The following PLCH1 variants were observed in gnomAD, a reference collection of about 807,000 sequenced individuals.
The protein encoded by PLCH1 is phospholipase C eta 1.
PLCH1 carries 60 observed loss-of-function variants against 126.7 expected under a neutral mutation model. The observed-to-expected ratio is 0.47, with a 90% confidence interval of 0.38 to 0.59. The LOEUF (loss-of-function observed/expected upper bound fraction) is 0.59. Ranked by LOEUF, PLCH1 falls within the 20% of genes least tolerant of loss-of-function variation. PLCH1 has a pLI of 0.00. For missense variants in PLCH1, 1,723 were observed against 2,040.0 expected (o/e 0.84, Z 2.99); for synonymous variants, 719 against 734.9 (o/e 0.98, Z 0.35).
At chr3:155,607,015 G>T (rs931981236) in intron 2 of PLCH1, among the ~76,000 whole-genome samples, 20 of 152,200 alleles carry the variant, frequency 1.3e-4, no homozygotes, top group Admixed American at 2.6e-4. Flanking sequence ...ATCTCCATGT[G>T]TAACAGTGTC....
At chr3:155,742,803 C>G (rs1383343948) in intron 1 of PLCH1, 2 of 153,244 alleles carry the variant, frequency 1.3e-5, no homozygotes, top group Non-Finnish European at 2.9e-5. Flanking sequence ...CAGCATGTTA[C>G]TCGCTAATCA....
chr3:155,712,588 T>G (rs1212475781), intron 1 of PLCH1, among the ~76,000 whole-genome samples: 3 of 152,050 alleles, frequency 2.0e-5, no homozygotes, highest in African/African-American at 7.2e-5. Flanking sequence ...AAGATAACTT[T>G]AATTAGCCAG....
intron 14 of PLCH1, among the ~76,000 whole-genome samples, chr3:155,499,020 G>A (rs554294912): frequency 2.1e-4 from 32 of 152,176 alleles, no homozygotes; most frequent in Non-Finnish European, 4.4e-4. Context: ...TAACTAATTA[G>A]GAAGGGCAGA....
At chr3:155,676,087 C>A in intron 2 of PLCH1, 1 of 1,466,072 alleles carries the variant, frequency 6.8e-7, no homozygotes, top group South Asian at 1.5e-5. Flanking sequence ...TACAATTTCT[C>A]TCTAAAGGCA....
intron 1 of PLCH1, among the ~76,000 whole-genome samples, chr3:155,726,584 G>A (rs1160060842): frequency 6.6e-6 from 1 of 151,988 alleles, no homozygotes; most frequent in Non-Finnish European, 1.5e-5. Context: ...GTCAAGTGAT[G>A]CTTTTTATTG....
intron 2 of PLCH1, among the ~76,000 whole-genome samples, chr3:155,601,800 T>C (rs1251025531): frequency 6.6e-6 from 1 of 152,254 alleles, no homozygotes; most frequent in East Asian, 1.9e-4. Flanking sequence ...TGTGTGACAG[T>C]CTAATCACAC....
intron 1 of PLCH1, among the ~76,000 whole-genome samples, chr3:155,724,808 G>A (rs1172910301): frequency 1.6e-5 from 2 of 122,698 alleles, no homozygotes; most frequent in Admixed American, 8.4e-5. Flanking sequence ...ATACCTTGGG[G>A]GGTTTTGTGT....
At chr3:155,700,798 G>T (rs1746212736) in intron 2 of PLCH1, among the ~76,000 whole-genome samples, 1 of 152,230 alleles carries the variant, frequency 6.6e-6, no homozygotes, top group African/African-American at 2.4e-5. Flanking sequence ...AGGAGAAACA[G>T]CTGAAGGTAT....
chr3:155,539,636 A>T (rs1228872036), intron 10 of PLCH1, among the ~76,000 whole-genome samples: 1 of 152,080 alleles, frequency 6.6e-6, no homozygotes, highest in Admixed American at 6.6e-5. Context: ...CCCTTTTACA[A>T]TAGCTGCAAA....
chr3:155,604,575 GT>G (rs1734134198), intron 2 of PLCH1, among the ~76,000 whole-genome samples: 1 of 152,182 alleles, frequency 6.6e-6, no homozygotes, highest in African/African-American at 2.4e-5. Context: ...TCAGTAGTTT[GT>G]TAAATGTCAG....
chr3:155,537,872 T>G (rs1458957045), intron 10 of PLCH1, among the ~76,000 whole-genome samples: 2 of 152,126 alleles, frequency 1.3e-5, no homozygotes, highest in African/African-American at 4.8e-5. Context: ...AACAATGGAC[T>G]TAAACTATAC....
At chr3:155,574,223 C>T (rs2108554649) in intron 6 of PLCH1, among the ~76,000 whole-genome samples, 1 of 152,154 alleles carries the variant, frequency 6.6e-6, no homozygotes, top group Admixed American at 6.6e-5. Context: ...CCCCCCTTAC[C>T]TCTTACATAC....
At chr3:155,589,209 C>T (rs1040746202) in intron 4 of PLCH1, among the ~76,000 whole-genome samples, 1 of 151,952 alleles carries the variant, frequency 6.6e-6, no homozygotes, top group Non-Finnish European at 1.5e-5. Flanking sequence ...CTGTAAAGGG[C>T]CTGATAGTGA....
intron 2 of PLCH1, among the ~76,000 whole-genome samples, chr3:155,652,077 A>G (rs1012041754): frequency 1.3e-5 from 2 of 152,354 alleles, no homozygotes; most frequent in Middle Eastern, 3.4e-3. Flanking sequence ...GAAATGAGCA[A>G]GAGGACACAG....
In PLCH1 at chr3:155,564,960, C is replaced by A; in HGVS notation, c.1024G>T (p.Asp342Tyr). Reference protein sequence around the residue: ...GDQLLSQSKVDMYARVLQEGC... With the variant: ...GDQLLSQSKVYMYARVLQEGC... ...TCTTGCAGCACCCGTGCATACATAT[C>A]CACTTTGGACTGAGAAAGGAGCTGG... The change falls in exon 8 of 23, where the codon GAT becomes TAT. Residue 342 changes from aspartate to tyrosine, a missense_variant. Around this residue, in one of 2 missense-constraint regions of PLCH1, gnomAD observed 776 missense variants for 1,062.9 expected, o/e 0.73. Transcript: ENST00000460012. 1.2e-6 allele frequency: 2 copies of A among 1,613,984 alleles called. No homozygotes were observed. The highest frequency in any genetic ancestry group is 2.2e-5 in the East Asian group (1 of 44,872).
At chr3:155,635,345 C>T (rs1192168022) in intron 2 of PLCH1, among the ~76,000 whole-genome samples, 1 of 152,128 alleles carries the variant, frequency 6.6e-6, no homozygotes, top group Non-Finnish European at 1.5e-5. Context: ...TTTCAGTAAA[C>T]TTTCAAGGCT....
intron 9 of PLCH1, among the ~76,000 whole-genome samples, chr3:155,553,030 A>T (rs748514230): frequency 2.6e-5 from 4 of 152,170 alleles, no homozygotes; most frequent in Non-Finnish European, 5.9e-5. Context: ...AAGCTCCTTA[A>T]TGGCAGGAGT....
chr3:155,504,855 C>G (rs952409033), intron 12 of PLCH1, among the ~76,000 whole-genome samples: 1 of 152,176 alleles, frequency 6.6e-6, no homozygotes, highest in South Asian at 2.1e-4. Context: ...CCAGCCAGGA[C>G]GCAGCAGCTG....
At chr3:155,517,226 G>C (rs190396197) in intron 11 of PLCH1, among the ~76,000 whole-genome samples, 1 of 152,148 alleles carries the variant, frequency 6.6e-6, no homozygotes, top group African/African-American at 2.4e-5. Flanking sequence ...AGGATCCCAT[G>C]AGCCCAAGAG....
Sources: gnomAD v4.1 joint callset for allele counts (sites outside exome capture counted in the v4.1 genomes callset) on GRCh38, gnomAD v4.1.1 for gene constraint, gnomAD v4.1.1 regional missense constraint, MANE v1.5 for transcripts, NCBI Gene and HGNC (gene_info 2026-07-23, HGNC 2026-07-21) for gene names.